Variants in RPS6KC1 observed in about 807,000 individuals in gnomAD.
RPS6KC1 encodes the protein ribosomal protein S6 kinase C1.
RPS6KC1 carries 54 observed loss-of-function variants against 103.8 expected under a neutral mutation model. The observed-to-expected ratio is 0.52, with a 90% CI of 0.42 to 0.65. RPS6KC1 has a LOEUF of 0.65. Ranked by LOEUF, RPS6KC1 falls within the 30% of genes least tolerant of loss-of-function variation. The probability of loss-of-function intolerance (pLI) is 0.00; values close to 1 mark genes in which losing one functional copy is unlikely to be tolerated. For synonymous variants in RPS6KC1, 439 were observed against 438.7 expected, an observed-to-expected ratio of 1.00 and a Z score of -0.01; for missense variants, 1,151 against 1,253.8, an observed-to-expected ratio of 0.92 and a Z score of 1.24.
intron 8 of RPS6KC1, among the ~76,000 whole-genome samples, chr1:213,225,254 G>A (rs891901266): frequency 6.6e-6 from 1 of 152,122 alleles, no homozygotes; most frequent in African/African-American, 2.4e-5. Context: ...CAGTCAAAGG[G>A]CACATTTTTA....
chr1:213,155,298 C>G (rs150551403), intron 6 of RPS6KC1, among the ~76,000 whole-genome samples: 1 of 152,276 alleles, frequency 6.6e-6, no homozygotes, highest in East Asian at 1.9e-4. Flanking sequence ...TCCACTGTCT[C>G]TGGGCCTAGT....
intron 10 of RPS6KC1, among the ~76,000 whole-genome samples, chr1:213,234,922 T>C (rs1448949429): frequency 6.6e-6 from 1 of 152,118 alleles, no homozygotes; most frequent in African/African-American, 2.4e-5. Flanking sequence ...GGACCTGTAA[T>C]GGATTTGAGA....
At chr1:213,667,174 G>C in the RPS6KC1 span, among the ~76,000 whole-genome samples, 2,406 of 151,876 alleles carry the variant, frequency 0.016, 47 homozygotes, top group East Asian at 0.095. Context: ...TGTACATATT[G>C]AGTAAAATAC....
chr1:213,771,122 C>CCTTT, the RPS6KC1 span, among the ~76,000 whole-genome samples: 2 of 108,200 alleles, frequency 1.8e-5, no homozygotes, highest in African/African-American at 5.6e-5. Flanking sequence ...CCTTCTCTCT[C>CCTTT]CTTTGTTTGT....
chr1:213,430,953 C>A, the RPS6KC1 span, among the ~76,000 whole-genome samples: 2 of 152,136 alleles, frequency 1.3e-5, no homozygotes, highest in Non-Finnish European at 2.9e-5. Flanking sequence ...CCTCTGCACT[C>A]TACCTGAATT....
the RPS6KC1 span, among the ~76,000 whole-genome samples, chr1:213,805,102 A>G: frequency 6.6e-6 from 1 of 152,214 alleles, no homozygotes; most frequent in African/African-American, 2.4e-5. Context: ...AAAAACTGCT[A>G]ATGATCCTCT....
the RPS6KC1 span, among the ~76,000 whole-genome samples, chr1:213,829,969 C>A: frequency 6.6e-6 from 1 of 152,316 alleles, no homozygotes; most frequent in South Asian, 2.1e-4. Flanking sequence ...GCTCTCACCC[C>A]ATCTGCCGAG....
chr1:213,842,922 A>C, the RPS6KC1 span, among the ~76,000 whole-genome samples: 4 of 152,234 alleles, frequency 2.6e-5, no homozygotes, highest in African/African-American at 7.2e-5. Flanking sequence ...AGGGTTCTCC[A>C]GATAAACAGC....
At chr1:213,486,185 A>G in the RPS6KC1 span, among the ~76,000 whole-genome samples, 5,569 of 152,312 alleles carry the variant, frequency 0.037, 508 homozygotes, top group East Asian at 0.26. Context: ...ACATATATAC[A>G]CATATAACAA....
At chr1:213,066,959 G>A (rs900520425) in intron 1 of RPS6KC1, among the ~76,000 whole-genome samples, 4 of 152,030 alleles carry the variant, frequency 2.6e-5, no homozygotes, top group Admixed American at 6.6e-5. Context: ...GTCACCCCTC[G>A]GCTCACTGAG....
the RPS6KC1 span, among the ~76,000 whole-genome samples, chr1:213,487,253 G>A: frequency 1.3e-5 from 2 of 152,110 alleles, no homozygotes; most frequent in Non-Finnish European, 2.9e-5. Context: ...AAAATTAGCT[G>A]GGTGTGGTGG....
chr1:213,125,620 A>G (rs1318664561), intron 5 of RPS6KC1: 2 of 115,418 alleles, frequency 1.7e-5, no homozygotes, highest in Admixed American at 1.0e-4. Flanking sequence ...TCTCTTTTTT[A>G]TCTGCTTGTG....
At chr1:213,452,145 C>T in the RPS6KC1 span, among the ~76,000 whole-genome samples, 2 of 152,252 alleles carry the variant, frequency 1.3e-5, no homozygotes, top group East Asian at 1.9e-4. Flanking sequence ...GCTACAAGGG[C>T]GTTTAGGTCA....
the RPS6KC1 span, among the ~76,000 whole-genome samples, chr1:213,351,285 A>C: frequency 2.0e-5 from 3 of 152,242 alleles, no homozygotes; most frequent in East Asian, 5.8e-4. Context: ...TGAAAAGCTA[A>C]CTGCTGAACG....
the RPS6KC1 span, among the ~76,000 whole-genome samples, chr1:213,371,225 C>T: frequency 6.6e-6 from 1 of 152,174 alleles, no homozygotes; most frequent in South Asian, 2.1e-4. Context: ...TTGTGTCTGG[C>T]TTATTTCACT....
the RPS6KC1 span, among the ~76,000 whole-genome samples, chr1:213,809,299 C>T: frequency 2.0e-5 from 3 of 152,130 alleles, no homozygotes; most frequent in Non-Finnish European, 4.4e-5. Flanking sequence ...AGTTTGCCAT[C>T]TTATATGGGT....
the RPS6KC1 span, among the ~76,000 whole-genome samples, chr1:213,713,290 G>A: frequency 0.18 from 27,794 of 151,876 alleles, 3,226 homozygotes; most frequent in South Asian, 0.27. Context: ...CCCTGAGTTC[G>A]GCCAGCTCAT....
the RPS6KC1 span, among the ~76,000 whole-genome samples, chr1:213,494,421 A>G: frequency 5.3e-5 from 8 of 152,254 alleles, no homozygotes; most frequent in Admixed American, 4.6e-4. Context: ...GATGAGGTAA[A>G]AAGAAAAATG....
At chr1:213,709,170 C>T in the RPS6KC1 span, among the ~76,000 whole-genome samples, 6 of 152,056 alleles carry the variant, frequency 3.9e-5, no homozygotes, top group Non-Finnish European at 7.4e-5. Flanking sequence ...TCTGTGAATC[C>T]GTCTGGTCCT....
Sources: gnomAD v4.1 joint callset for allele counts (sites outside exome capture counted in the v4.1 genomes callset) on GRCh38, gnomAD v4.1.1 for gene constraint, MANE v1.5 for transcripts, NCBI Gene and HGNC (gene_info 2026-07-23, HGNC 2026-07-21) for gene names.